Variants in MEI4 observed in about 807,000 individuals in gnomAD.
MEI4 encodes meiosis-specific protein MEI4.
A neutral mutation model predicts 31.4 loss-of-function variants in MEI4; 27 were observed. The ratio of observed to expected loss-of-function variants is 0.86; its 90% CI spans 0.63 to 1.19. The LOEUF is 1.19. Among genes scored for constraint, MEI4 ranks in the 50% most tolerant of loss-of-function variants. The pLI is 0.00. For synonymous variants in MEI4, 122 were observed against 145.4 expected (o/e 0.84, Z 1.16); for missense variants, 329 against 398.9 (o/e 0.82, Z 1.49).
In MEI4 at chr6:77,816,342, T is replaced by TA. The variant is rs531524565; in HGVS notation, c.769-12588dup. ...GTCATCAGTAAGAAGGAGGTCCTTA[T>TA]ATTAATTTAATCGATAGTACACGGG... On this transcript the variant is annotated intron_variant, in intron 3 of 4. Coordinates refer to ENST00000684080, the MANE Select transcript of MEI4 (RefSeq NM_001322247.2). Among the ~76,000 whole-genome samples the TA allele has an allele frequency of 4.6e-5, 7 of 152,322 alleles. No individual in the cohort carries two copies. The South Asian group carries it at 8.3e-4, about 18-fold the overall frequency.
intron 3 of MEI4, among the ~76,000 whole-genome samples, chr6:77,826,963 G>A (rs1769966874): frequency 6.6e-6 from 1 of 151,986 alleles, no homozygotes; most frequent in African/African-American, 2.4e-5. Flanking sequence ...GAATCCTCTA[G>A]GTAAACATAT....
chr6:77,891,692 T>C (rs1181452811), intron 4 of MEI4, among the ~76,000 whole-genome samples: 1 of 152,256 alleles, frequency 6.6e-6, no homozygotes, highest in East Asian at 1.9e-4. Flanking sequence ...CCTTGCTTTT[T>C]CATATTTTCA....
At chr6:77,736,800 G>A (rs748792529) in intron 2 of MEI4, among the ~76,000 whole-genome samples, 1 of 152,082 alleles carries the variant, frequency 6.6e-6, no homozygotes, top group Non-Finnish European at 1.5e-5. Flanking sequence ...CTGTAGTCCA[G>A]AGAAAGATAC....
At chr6:77,667,095 A>G (rs1253229403) in intron 1 of MEI4, among the ~76,000 whole-genome samples, 1 of 152,250 alleles carries the variant, frequency 6.6e-6, no homozygotes, top group Non-Finnish European at 1.5e-5. Flanking sequence ...TGTTAACTGC[A>G]TAGTCTTGAG....
At chr6:77,920,532 A>G (rs1178371451) in intron 4 of MEI4, among the ~76,000 whole-genome samples, 1 of 151,812 alleles carries the variant, frequency 6.6e-6, no homozygotes, top group Non-Finnish European at 1.5e-5. Context: ...TCCTGTTAAT[A>G]TTGATATTTT....
chr6:77,681,677 G>T (rs1450828198), intron 1 of MEI4, among the ~76,000 whole-genome samples: 2 of 151,968 alleles, frequency 1.3e-5, no homozygotes, highest in African/African-American at 4.8e-5. Flanking sequence ...AAAAGGTGTG[G>T]GATGGAATTA....
At chr6:77,726,542 A>T (rs1766826243) in intron 2 of MEI4, among the ~76,000 whole-genome samples, 1 of 152,198 alleles carries the variant, frequency 6.6e-6, no homozygotes, top group South Asian at 2.1e-4. Context: ...AGGGAAGAAC[A>T]TCCTGAGGTT....
chr6:77,665,189 C>T (rs749262121), intron 1 of MEI4, among the ~76,000 whole-genome samples: 1 of 148,148 alleles, frequency 6.8e-6, no homozygotes, highest in South Asian at 2.2e-4. Flanking sequence ...GGAAAGGGGT[C>T]GAGGCATGGA....
rs568774713 is a variant in MEI4, at chr6:77,799,448, A to G, written c.769-29483A>G. Among the ~76,000 whole-genome samples the G allele has an allele frequency of 3.8e-3, 582 of 152,006 alleles. 5 individuals are homozygous for G. Among genetic ancestry groups the G allele is most frequent in the African/African-American group, 0.013 (525 of 41,380 alleles). On this transcript the variant is annotated intron_variant, in intron 3 of 4. Coordinates refer to ENST00000684080, the MANE Select transcript of MEI4 (RefSeq NM_001322247.2). The stretch of plus-strand genomic sequence containing the variant: ...TTTTCTCCCATTTTGTAGGTTGCCT[A>G]TTCAATCTGATGGTAGTTTCTTTTG...
intron 2 of MEI4, among the ~76,000 whole-genome samples, chr6:77,698,741 G>T (rs1350999091): frequency 6.6e-6 from 1 of 152,082 alleles, no homozygotes; most frequent in Non-Finnish European, 1.5e-5. Context: ...TGACAATTAT[G>T]TGTCTTGGAG....
chr6:77,892,108 G>A (rs1765974428), intron 4 of MEI4, among the ~76,000 whole-genome samples: 1 of 152,170 alleles, frequency 6.6e-6, no homozygotes, highest in Non-Finnish European at 1.5e-5. Context: ...TGTGTTGTCA[G>A]TAGCAGTGGT....
intron 2 of MEI4, among the ~76,000 whole-genome samples, chr6:77,759,660 G>T (rs1768000810): frequency 6.6e-6 from 1 of 152,048 alleles, no homozygotes; most frequent in African/African-American, 2.4e-5. Flanking sequence ...CAGTAAGCTG[G>T]TCTCCAGATT....
chr6:77,770,826 C>T (rs946555517), intron 3 of MEI4, among the ~76,000 whole-genome samples: 9 of 151,986 alleles, frequency 5.9e-5, no homozygotes, highest in Admixed American at 3.3e-4. Flanking sequence ...AAAAAAATAA[C>T]TGCTAAAACC....
In MEI4 at chr6:77,761,493, G is replaced by A. The variant is rs187031486; in HGVS notation, c.596G>A (p.Arg199His). ...CTGGATGGCCTGATCACTTTTTACC[G>A]TAATCCCAAACTTCCTTTTTCAAGA... ...QLLDGLITFY[R>H]NPKLPFSRFW... Residue 199 changes from arginine to histidine, a missense_variant, in exon 3 of 5, where the codon CGT becomes CAT. By Grantham distance (29) the Arg-to-His change is conservative. Coordinates refer to ENST00000684080, the MANE Select transcript of MEI4 (RefSeq NM_001322247.2). 1.6e-4 allele frequency: 200 copies of A among 1,232,062 alleles called. No homozygotes were observed. Among genetic ancestry groups the A allele is most frequent in the Middle Eastern group, 6.2e-4 (2 of 3,206 alleles). The allele number at this position is 1,232,062 out of a possible 1,614,324, so 76.3% of individuals were successfully genotyped here. A position where few individuals can be genotyped will look rare whatever the true frequency, so the allele number is the denominator to read the frequency against.
rs142224639 is a variant in MEI4, at chr6:77,847,381, C to T, written c.900+18319C>T. ...AAATGTCAATTAAGTATGATTAATT[C>T]TTCCTTTTTTCCATAAGCATGAGAA... On this transcript the variant is annotated intron_variant, in intron 4 of 4. Transcript: ENST00000684080. The surrounding 1 kb of genome is among the most constrained non-coding windows in gnomAD (Gnocchi z 4.6). Among the ~76,000 whole-genome samples the T allele has an allele frequency of 2.2e-3, 337 of 152,212 alleles. No homozygotes were observed. The highest frequency in any genetic ancestry group is 7.4e-3 in the African/African-American group (306 of 41,552).
At chr6:77,853,417 A>C (rs1298038595) in intron 4 of MEI4, among the ~76,000 whole-genome samples, 1 of 152,208 alleles carries the variant, frequency 6.6e-6, no homozygotes, top group Non-Finnish European at 1.5e-5. Context: ...TAATAATAGC[A>C]AAAACAAAAG....
rs562508910 is a variant in MEI4, at chr6:77,869,021, A to G, written c.900+39959A>G. Among the ~76,000 whole-genome samples, 35 of 152,238 alleles carry G rather than the reference A, an allele frequency of 2.3e-4. No individual in the cohort carries two copies. The East Asian group carries it at 6.8e-3, about 30-fold the overall frequency. ...TGGCCGAGCTGGATGCCTAATGCAGAAGGAGTCCTCAGAAAAGTTACTCAC... is the reference window on the plus strand; with the variant it reads ...TGGCCGAGCTGGATGCCTAATGCAGGAGGAGTCCTCAGAAAAGTTACTCAC... On this transcript the variant is annotated intron_variant, in intron 4 of 4. Coordinates refer to ENST00000684080, the MANE Select transcript of MEI4 (RefSeq NM_001322247.2).
intron 2 of MEI4, among the ~76,000 whole-genome samples, chr6:77,696,974 T>A (rs985219877): frequency 6.6e-6 from 1 of 152,224 alleles, no homozygotes; most frequent in African/African-American, 2.4e-5. Flanking sequence ...GAGATTCAAC[T>A]TCTTCTTGGT....
intron 3 of MEI4, among the ~76,000 whole-genome samples, chr6:77,771,917 C>T (rs1768328694): frequency 1.3e-5 from 2 of 152,078 alleles, no homozygotes; most frequent in Admixed American, 6.6e-5. Flanking sequence ...CAAACCTGCA[C>T]CTGTACCCCT....
Sources: gnomAD v4.1 joint callset for allele counts (sites outside exome capture counted in the v4.1 genomes callset) on GRCh38, gnomAD v4.1.1 for gene constraint, Gnocchi (gnomAD v3.1) non-coding constraint, MANE v1.5 for transcripts, NCBI Gene and HGNC (gene_info 2026-07-23, HGNC 2026-07-21) for gene names.